CAMK1D: variants seen among roughly 807,000 people sequenced by gnomAD.
CAMK1D encodes the protein calcium/calmodulin-dependent protein kinase type 1D.
A neutral mutation model predicts 47.7 loss-of-function variants in CAMK1D; 9 were observed. That is an observed-to-expected ratio of 0.19 (90% confidence interval 0.11 to 0.33). The LOEUF (loss-of-function observed/expected upper bound fraction) is 0.33. Ranked by LOEUF, CAMK1D falls within the 10% of genes least tolerant of loss-of-function variation. The probability of loss-of-function intolerance (pLI) is 1.00; values close to 1 mark genes in which losing one functional copy is unlikely to be tolerated. For missense variants in CAMK1D, 291 were observed against 488.7 expected, an observed-to-expected ratio of 0.60 and a Z score of 3.81; for synonymous variants, 184 against 184.9, an observed-to-expected ratio of 0.99 and a Z score of 0.04.
At chr10:12,573,830 A>AATTTTTTTTTTTTT in intron 2 of CAMK1D, among the ~76,000 whole-genome samples, 2 of 46,178 alleles carry the variant, frequency 4.3e-5, no homozygotes, top group African/African-American at 2.2e-4. Context: ...TATTAAAAAA[A>AATTTTTTTTTTTTT]CTTTTTTTTT....
intron 1 of CAMK1D, among the ~76,000 whole-genome samples, chr10:12,516,297 C>T (rs929169441): frequency 1.9e-4 from 29 of 151,902 alleles, no homozygotes; most frequent in African/African-American, 1.5e-4. Flanking sequence ...TTAGTAGAGA[C>T]GGGGTTTCAC....
At chr10:12,716,437 T>G (rs1834140312) in intron 3 of CAMK1D, among the ~76,000 whole-genome samples, 2 of 152,310 alleles carry the variant, frequency 1.3e-5, no homozygotes, top group South Asian at 2.1e-4. Flanking sequence ...GCACTGGGCC[T>G]GCCTACTGTT....
intron 3 of CAMK1D, among the ~76,000 whole-genome samples, chr10:12,736,793 G>A (rs1247692156): frequency 6.6e-6 from 1 of 152,160 alleles, no homozygotes; most frequent in Admixed American, 6.5e-5. Flanking sequence ...AGACTCCTTT[G>A]GTTGCCAGTG....
chr10:12,427,700 G>GTTTTTTTGTTTTTTTTTTTTT (rs1290974363), intron 1 of CAMK1D, among the ~76,000 whole-genome samples: 8 of 31,028 alleles, frequency 2.6e-4, no homozygotes, highest in South Asian at 1.8e-3. Context: ...TGAACTTACT[G>GTTTTTTTGTTTTTTTTTTTTT]TTTTTTTTTT....
chr10:12,494,803 A>C (rs1312616142), intron 1 of CAMK1D, among the ~76,000 whole-genome samples: 1 of 152,118 alleles, frequency 6.6e-6, no homozygotes, highest in African/African-American at 2.4e-5. Flanking sequence ...TCCTGACCTC[A>C]GGTGATCTGC....
chr10:12,763,138 G>A (rs893325720), intron 4 of CAMK1D, among the ~76,000 whole-genome samples: 6 of 152,124 alleles, frequency 3.9e-5, no homozygotes, highest in Admixed American at 2.0e-4. Flanking sequence ...TAAGATCACC[G>A]GGCCTGTCGT....
chr10:12,579,254 C>T (rs1313883358), intron 2 of CAMK1D, among the ~76,000 whole-genome samples: 2 of 152,212 alleles, frequency 1.3e-5, no homozygotes, highest in Non-Finnish European at 2.9e-5. Flanking sequence ...CTTCCTGGGT[C>T]TGCAGTTACA....
intron 2 of CAMK1D, among the ~76,000 whole-genome samples, chr10:12,648,133 G>A (rs1839861545): frequency 6.6e-6 from 1 of 152,166 alleles, no homozygotes; most frequent in Admixed American, 6.5e-5. Context: ...TTATAAAAAA[G>A]CTATTTTTTA....
intron 1 of CAMK1D, among the ~76,000 whole-genome samples, chr10:12,470,348 T>A (rs957066551): frequency 2.0e-5 from 3 of 152,202 alleles, no homozygotes; most frequent in African/African-American, 7.2e-5. Flanking sequence ...TGAGATTTTT[T>A]ATGTATTTTC....
intron 2 of CAMK1D, among the ~76,000 whole-genome samples, chr10:12,565,445 G>T (rs1313452655): frequency 6.6e-6 from 1 of 152,074 alleles, no homozygotes; most frequent in Non-Finnish European, 1.5e-5. Flanking sequence ...GTAGAGACGG[G>T]GTTTCACCAT....
intron 3 of CAMK1D, among the ~76,000 whole-genome samples, chr10:12,750,955 G>A (rs886329693): frequency 3.3e-5 from 5 of 152,180 alleles, no homozygotes; most frequent in Non-Finnish European, 7.3e-5. Context: ...GGATGCTGAG[G>A]CTGGAGAATT....
At chr10:12,421,856 A>AC (rs1840063211) in intron 1 of CAMK1D, among the ~76,000 whole-genome samples, 1 of 137,068 alleles carries the variant, frequency 7.3e-6, no homozygotes, top group Non-Finnish European at 1.6e-5. Flanking sequence ...TTGCTCTGTC[A>AC]CCCAGGCTGG....
rs146018596 is a variant in CAMK1D at position 12,762,443 on chromosome 10, TAC to T, written c.438+1358_438+1359del. Among the ~76,000 whole-genome samples the T allele has an allele frequency of 9.8e-5, 15 of 152,320 alleles. No homozygotes were observed. In the East Asian group the frequency reaches 2.9e-3, roughly 29 times the overall value. On this transcript the variant is annotated intron_variant, in intron 4 of 10. Transcript: ENST00000619168. Reference sequence around the variant, plus strand: ...AGCTTTTTCTTTCATAAAGACTCACTACCATGGTTTTTCTGCATGTTGTCATG... The same window carrying T: ...AGCTTTTTCTTTCATAAAGACTCACTCATGGTTTTTCTGCATGTTGTCATG...
chr10:12,708,843 C>T (rs1833825622), intron 3 of CAMK1D, among the ~76,000 whole-genome samples: 1 of 152,126 alleles, frequency 6.6e-6, no homozygotes, highest in African/African-American at 2.4e-5. Flanking sequence ...TCAATGATCC[C>T]ATTAGGCCAG....
chr10:12,772,392 C>T (rs906679312), intron 5 of CAMK1D, among the ~76,000 whole-genome samples: 1 of 152,146 alleles, frequency 6.6e-6, no homozygotes, highest in East Asian at 1.9e-4. Context: ...GATACTGTGG[C>T]CTGCCCATCT....
intron 3 of CAMK1D, among the ~76,000 whole-genome samples, chr10:12,691,090 A>G (rs895415952): frequency 6.6e-6 from 1 of 152,104 alleles, no homozygotes; most frequent in African/African-American, 2.4e-5. Flanking sequence ...TGGCTGAACC[A>G]TGAATCCCTG....
chr10:12,451,903 G>T (rs571309471), intron 1 of CAMK1D, among the ~76,000 whole-genome samples: 1 of 152,134 alleles, frequency 6.6e-6, no homozygotes, highest in East Asian at 1.9e-4. Context: ...ATGGGCCTTC[G>T]ACCACCGGGG....
intron 1 of CAMK1D, among the ~76,000 whole-genome samples, chr10:12,503,562 G>A (rs907622326): frequency 7.2e-5 from 11 of 152,298 alleles, no homozygotes; most frequent in African/African-American, 2.4e-4. Context: ...GGGGCGGGAC[G>A]TTTGTGAGTG....
At chr10:12,404,948 G>A (rs1303314417) in intron 1 of CAMK1D, among the ~76,000 whole-genome samples, 2 of 152,080 alleles carry the variant, frequency 1.3e-5, no homozygotes, top group Non-Finnish European at 2.9e-5. Flanking sequence ...GCCTCCCAAA[G>A]TGCTGGGATT....
Sources: allele counts gnomAD v4.1 joint callset (sites outside exome capture counted in the v4.1 genomes callset), GRCh38; gene constraint gnomAD v4.1.1; transcripts MANE v1.5; gene names NCBI Gene and HGNC (gene_info 2026-07-23, HGNC 2026-07-21).